The following FRAS1 variants were observed in gnomAD, a reference collection of about 807,000 sequenced individuals.
The protein encoded by FRAS1 is extracellular matrix organizing protein FRAS1.
In FRAS1, 290 loss-of-function variants were observed where a neutral mutation model predicts 435.2. That is an observed-to-expected ratio of 0.67 (90% CI 0.61 to 0.73). The LOEUF (loss-of-function observed/expected upper bound fraction) is 0.73, where lower values mean the gene tolerates loss of function less well. Ranked by LOEUF, FRAS1 falls within the 30% of genes least tolerant of loss-of-function variation. FRAS1 has a pLI of 0.00. For synonymous variants in FRAS1, 1,800 were observed against 1,851.0 expected (o/e 0.97, Z 0.71); for missense variants, 4,860 against 5,001.5 (o/e 0.97, Z 0.85).
Position 78,365,752 on chromosome 4 carries a change from A to AC in FRAS1, c.2722+1698_2722+1699insC, listed in dbSNP as rs1304514044. 3.0e-3 allele frequency among the ~76,000 whole-genome samples: 303 copies of AC among 99,680 alleles called. 1 individual carries two copies. The highest frequency in any genetic ancestry group is 4.6e-3 in the Non-Finnish European group (251 of 54,820). 65.4% of individuals were successfully genotyped at this position (99,680 alleles called of 152,430 possible). A position where few individuals can be genotyped will look rare whatever the true frequency, so the allele number is the denominator to read the frequency against. On this transcript the variant is annotated intron_variant, in intron 22 of 73. Transcript: ENST00000512123. ...TCTAGTACATTAAAAAAAAAAAAAC[A>AC]AAAAAAAAAAACAGCCTGACCAACA...
rs1025108616 is a variant in FRAS1, at chr4:78,542,418, C to T, written c.*1294C>T. On this transcript the variant is annotated 3_prime_UTR_variant, in exon 74 of 74. Transcript: ENST00000512123. Reference sequence around the variant, plus strand: ...TCTGTTTCTGCCTTATTGGCGGAAACATAAGCGTGCATGCCATGTTGTTTT... The same window carrying T: ...TCTGTTTCTGCCTTATTGGCGGAAATATAAGCGTGCATGCCATGTTGTTTT... 4.6e-5 allele frequency: 7 copies of T among 152,528 alleles called. No homozygotes were observed. Among genetic ancestry groups the T allele is most frequent in the Admixed American group, 4.6e-4 (7 of 15,280 alleles). 9.4% of individuals were successfully genotyped at this position (152,528 alleles called of 1,614,324 possible).
chr4:78,416,949 C>T (rs1733578620), intron 32 of FRAS1, among the ~76,000 whole-genome samples: 5 of 152,080 alleles, frequency 3.3e-5, no homozygotes, highest in Non-Finnish European at 5.9e-5. Context: ...GTAACATGGC[C>T]ATTATGAAAA....
intron 20 of FRAS1, 71 bp downstream of exon 20, chr4:78,337,888 G>C: frequency 6.6e-7 from 1 of 1,517,114 alleles, no homozygotes; most frequent in Non-Finnish European, 9.1e-7. Context: ...CCAGGCTTAA[G>C]GGGGCTCTTT....
Position 78,448,047 on chromosome 4 carries a change from C to T in FRAS1, c.6011-6C>T. 2 of 1,592,246 alleles carry T rather than the reference C, an allele frequency of 1.3e-6. No individual in the cohort carries two copies. The highest frequency in any genetic ancestry group is 1.7e-6 in the Non-Finnish European group (2 of 1,167,356). ...TTGTTTTGCTTTTCTTTACCTCTTC[C>T]CTCAGGTCATGTACTCTGGAGGCAA... On this transcript the variant is annotated splice_region_variant and splice_polypyrimidine_tract_variant and intron_variant, in intron 43 of 73. Coordinates refer to ENST00000512123, the MANE Select transcript of FRAS1 (RefSeq NM_025074.7).
At position 78,369,880 on chromosome 4, in the gene FRAS1, G is replaced by T; in HGVS notation, c.2765G>T (p.Cys922Phe). Reference protein sequence around the residue: ...HCGSCDSQASCTSCRDPNKVL... With the variant: ...HCGSCDSQASFTSCRDPNKVL... ...GGAAGCTGTGATTCACAGGCCAGCT[G>T]TACCTCCTGCCGAGATCCAAACAAG... The change falls in exon 23 of 74, where the codon TGT (cysteine) becomes TTT (phenylalanine). Residue 922 changes from cysteine to phenylalanine, a missense_variant. Cys to Phe is a radical substitution (Grantham distance 205). Transcript: ENST00000512123. The T allele has an allele frequency of 6.2e-7, 1 of 1,613,520 alleles. No homozygotes were observed. Among genetic ancestry groups the T allele is most frequent in the East Asian group, 2.2e-5 (1 of 44,868 alleles).
At chr4:78,233,709 C>T (rs114964836) in intron 2 of FRAS1, among the ~76,000 whole-genome samples, 1,803 of 152,258 alleles carry the variant, frequency 0.012, 29 homozygotes, top group South Asian at 0.042. Context: ...GATGAAGAAA[C>T]TGGGCATAGA....
chr4:78,234,182 G>A (rs1009230151), intron 2 of FRAS1, among the ~76,000 whole-genome samples: 1 of 151,976 alleles, frequency 6.6e-6, no homozygotes, highest in Non-Finnish European at 1.5e-5. Context: ...CATTGTGCTT[G>A]GGAATAAACT....
chr4:78,407,551 A>T, intron 30 of FRAS1, 112 bp from the exon 31 acceptor site: 1 of 787,694 alleles, frequency 1.3e-6, no homozygotes, highest in South Asian at 2.3e-5. Flanking sequence ...ACAAAAATAA[A>T]GAAGTACATC....
At chr4:78,189,642 C>A (rs962540721) in intron 2 of FRAS1, among the ~76,000 whole-genome samples, 7 of 152,168 alleles carry the variant, frequency 4.6e-5, no homozygotes, top group Non-Finnish European at 7.4e-5. Context: ...TCTCATTCGG[C>A]TCTATGGTTC....
rs1719045955 is a variant in FRAS1, at chr4:78,452,172, C to T, written c.6584-3C>T. ...TTCAAATCACTATTTCTGATATTTT[C>T]AGAAGACAAATCCCCACCAGTCATC... On this transcript the variant is annotated splice_polypyrimidine_tract_variant and splice_region_variant and intron_variant, in intron 46 of 73. Transcript: ENST00000512123. 6.2e-7 allele frequency: 1 copy of T among 1,612,968 alleles called. No homozygotes were observed. Among genetic ancestry groups the T allele is most frequent in the Non-Finnish European group, 8.5e-7 (1 of 1,179,184 alleles).
chr4:78,275,523 C>G lies in FRAS1; in HGVS notation c.982-3132C>G, dbSNP rs1222240869. Among the ~76,000 whole-genome samples the G allele has an allele frequency of 2.0e-5, 3 of 152,194 alleles. No individual in the cohort carries two copies. In the East Asian group the frequency reaches 5.8e-4, roughly 29 times the overall value. On this transcript the variant is annotated intron_variant, in intron 9 of 73. Coordinates refer to ENST00000512123, the MANE Select transcript of FRAS1 (RefSeq NM_025074.7). Reference sequence around the variant, plus strand: ...AGGGCAGGCCTGGTGGTGACAAAATCTCTCAGCATTTGCTTGTCTCTAAAG... The same window carrying G: ...AGGGCAGGCCTGGTGGTGACAAAATGTCTCAGCATTTGCTTGTCTCTAAAG...
At chr4:78,418,189 G>T (rs1306691812) in intron 32 of FRAS1, among the ~76,000 whole-genome samples, 3 of 152,256 alleles carry the variant, frequency 2.0e-5, no homozygotes, top group African/African-American at 7.2e-5. Context: ...AAGAGAAAAA[G>T]CAGTATCTAG....
intron 20 of FRAS1, among the ~76,000 whole-genome samples, chr4:78,354,377 T>G (rs1453182739): frequency 6.6e-6 from 1 of 152,214 alleles, no homozygotes; most frequent in Admixed American, 6.5e-5. Flanking sequence ...TTTTGTAGCT[T>G]TTGTACTAAT....
intron 50 of FRAS1, among the ~76,000 whole-genome samples, chr4:78,468,737 A>G (rs762129937): frequency 6.6e-6 from 1 of 152,150 alleles, no homozygotes; most frequent in Admixed American, 6.5e-5. Flanking sequence ...AAAAACTTCA[A>G]TTCTGGTGAA....
At chr4:78,324,152 C>T (rs1014746808) in intron 18 of FRAS1, among the ~76,000 whole-genome samples, 5 of 151,836 alleles carry the variant, frequency 3.3e-5, no homozygotes, top group Non-Finnish European at 7.4e-5. Flanking sequence ...TCACTGCATG[C>T]ATTATACATA....
intron 18 of FRAS1, among the ~76,000 whole-genome samples, chr4:78,327,944 T>C (rs72866338): frequency 0.039 from 5,983 of 152,294 alleles, 325 homozygotes; most frequent in African/African-American, 0.12. Context: ...AAAGATACTT[T>C]AAGAGGATTG....
intron 2 of FRAS1, among the ~76,000 whole-genome samples, chr4:78,215,062 G>A (rs1723698657): frequency 6.6e-6 from 1 of 152,152 alleles, no homozygotes; most frequent in South Asian, 2.1e-4. Context: ...GAGAAATGAG[G>A]TTTGGGGTAC....
intron 10 of FRAS1, 111 bp downstream of exon 10, chr4:78,278,855 T>C (rs1727188127): frequency 2.9e-6 from 2 of 695,400 alleles, no homozygotes; most frequent in East Asian, 2.7e-5. Flanking sequence ...CAACAAATGT[T>C]ATTGTGCACC....
chr4:78,432,484 G>T lies in FRAS1; in HGVS notation c.5097G>T (p.Val1699=). ...TDGLTVTMLE[V]RVEVSLSEDR... ...GCCTCACAGTGACAATGCTGGAGGT[G>T]AGAGTAGAGGTGTCCCTGTCAGAAG... The change falls in exon 38 of 74, where the codon GTG becomes GTT. Residue 1699 remains valine (V), a synonymous_variant. Coordinates refer to ENST00000512123, the MANE Select transcript of FRAS1 (RefSeq NM_025074.7). 2 of 1,613,312 alleles carry T rather than the reference G, an allele frequency of 1.2e-6. No individual in the cohort carries two copies. The highest frequency in any genetic ancestry group is 2.2e-5 in the East Asian group (1 of 44,876).
Sources: gnomAD v4.1 joint callset for allele counts (sites outside exome capture counted in the v4.1 genomes callset) on GRCh38, gnomAD v4.1.1 for gene constraint, MANE v1.5 for transcripts, NCBI Gene and HGNC (gene_info 2026-07-23, HGNC 2026-07-21) for gene names.